Variants in ITFG1 observed in about 807,000 individuals in gnomAD.
The protein encoded by ITFG1 is integrin alpha FG-GAP repeat containing 1, also known as T-cell immunomodulatory protein.
Under a neutral mutation model 81.8 loss-of-function variants are expected in ITFG1, and 34 were observed. The ratio of observed to expected loss-of-function variants is 0.42; its 90% CI spans 0.32 to 0.55. The LOEUF (loss-of-function observed/expected upper bound fraction) is 0.55. ITFG1 is among the 20% of genes least tolerant of loss of function. The probability of loss-of-function intolerance (pLI) is 0.17; values close to 1 mark genes in which losing one functional copy is unlikely to be tolerated. For missense variants in ITFG1, 672 were observed against 755.4 expected, an observed-to-expected ratio of 0.89 and a Z score of 1.29; for synonymous variants, 285 against 270.6, an observed-to-expected ratio of 1.05 and a Z score of -0.52.
intron 10 of ITFG1, among the ~76,000 whole-genome samples, chr16:47,294,045 G>A (rs575015816): frequency 1.3e-5 from 2 of 152,140 alleles, no homozygotes; most frequent in East Asian, 3.9e-4. Context: ...TTTAAATATG[G>A]TGAGATATAG....
At chr16:47,319,930 T>C (rs1239888439) in intron 8 of ITFG1, among the ~76,000 whole-genome samples, 2 of 152,082 alleles carry the variant, frequency 1.3e-5, no homozygotes, top group African/African-American at 2.4e-5. Context: ...TATATATACA[T>C]ATCTTTTTTG....
At chr16:47,441,916 T>C (rs1217741144) in intron 5 of ITFG1, among the ~76,000 whole-genome samples, 1 of 152,240 alleles carries the variant, frequency 6.6e-6, no homozygotes, top group Non-Finnish European at 1.5e-5. Flanking sequence ...GACATGATTG[T>C]ATATCTAGAA....
intron 10 of ITFG1, among the ~76,000 whole-genome samples, chr16:47,273,790 GTTTATTTATTTA>G (rs138805545): frequency 2.0e-5 from 3 of 151,584 alleles, no homozygotes; most frequent in Non-Finnish European, 4.4e-5. Context: ...TAGTTTGTTT[GTTTATTTATTTA>G]TTTATTTATT....
At chr16:47,224,704 GA>G (rs199516181) in intron 13 of ITFG1, among the ~76,000 whole-genome samples, 9 of 150,796 alleles carry the variant, frequency 6.0e-5, no homozygotes, top group East Asian at 5.8e-4. Flanking sequence ...ATACGTCGGG[GA>G]AAAAAAAACC....
chr16:47,410,468 G>A (rs1176248411), intron 6 of ITFG1, among the ~76,000 whole-genome samples: 1 of 152,062 alleles, frequency 6.6e-6, no homozygotes, highest in Non-Finnish European at 1.5e-5. Flanking sequence ...GACACAGCCA[G>A]GAAGCGCCTC....
chr16:47,217,504 G>A (rs1965638757), intron 14 of ITFG1, among the ~76,000 whole-genome samples: 1 of 152,216 alleles, frequency 6.6e-6, no homozygotes, highest in Admixed American at 6.5e-5. Context: ...GATAAAACCA[G>A]CTGGTCCCAG....
At chr16:47,265,204 G>A (rs1359463351) in intron 10 of ITFG1, among the ~76,000 whole-genome samples, 2 of 148,720 alleles carry the variant, frequency 1.3e-5, no homozygotes, top group Non-Finnish European at 3.0e-5. Context: ...TTTTGTTTAC[G>A]GTACCCTTCA....
intron 12 of ITFG1, among the ~76,000 whole-genome samples, chr16:47,241,012 G>A (rs1965926900): frequency 1.3e-5 from 2 of 151,136 alleles, no homozygotes; most frequent in Non-Finnish European, 2.9e-5. Context: ...AAATGGTTAA[G>A]ATGGCAAATT....
At chr16:47,285,595 A>G (rs979754730) in intron 10 of ITFG1, among the ~76,000 whole-genome samples, 2 of 152,072 alleles carry the variant, frequency 1.3e-5, no homozygotes, top group African/African-American at 4.8e-5. Flanking sequence ...ATCTGACACT[A>G]TCTCCAGGAG....
chr16:47,367,671 G>A lies in ITFG1; in HGVS notation c.721-1802C>T, dbSNP rs1265586303. ...AAAAGCACAAAACCCAAATGCTTGA[G>A]GACCATGAGTAAGGAAATAAGATTT... On this transcript the variant is annotated intron_variant, in intron 7 of 17. Coordinates refer to ENST00000320640, the MANE Select transcript of ITFG1 (RefSeq NM_030790.5). Among the ~76,000 whole-genome samples the A allele has an allele frequency of 2.6e-5, 4 of 152,200 alleles. No individual in the cohort carries two copies. In the East Asian group the frequency reaches 5.8e-4, roughly 22 times the overall value.
At chr16:47,245,460 A>G (rs1965989590) in intron 12 of ITFG1, among the ~76,000 whole-genome samples, 1 of 151,864 alleles carries the variant, frequency 6.6e-6, no homozygotes, top group African/African-American at 2.4e-5. Flanking sequence ...GTGTGTGTGT[A>G]TTTACCCCTT....
At chr16:47,169,348 T>C (rs187114893) in intron 14 of ITFG1, among the ~76,000 whole-genome samples, 1 of 152,356 alleles carries the variant, frequency 6.6e-6, no homozygotes, top group Non-Finnish European at 1.5e-5. Context: ...TTCCATTTAT[T>C]AGATTTTCTT....
At chr16:47,283,688 C>T (rs1401923757) in intron 10 of ITFG1, among the ~76,000 whole-genome samples, 3 of 152,138 alleles carry the variant, frequency 2.0e-5, no homozygotes, top group Admixed American at 1.3e-4. Flanking sequence ...CGACTTTAGC[C>T]CAGTGAAACT....
chr16:47,247,992 T>C (rs564900877), intron 12 of ITFG1, among the ~76,000 whole-genome samples: 1 of 152,346 alleles, frequency 6.6e-6, no homozygotes, highest in South Asian at 2.1e-4. Context: ...CTTGCTACTA[T>C]GTAAGCTAAT....
intron 8 of ITFG1, among the ~76,000 whole-genome samples, chr16:47,324,351 AG>A (rs1459527671): frequency 6.6e-6 from 1 of 152,052 alleles, no homozygotes; most frequent in African/African-American, 2.4e-5. Context: ...AAACATGGAA[AG>A]GAACAACTGG....
At chr16:47,367,573 T>C (rs1333932460) in intron 7 of ITFG1, among the ~76,000 whole-genome samples, 16 of 152,222 alleles carry the variant, frequency 1.1e-4, no homozygotes, top group Non-Finnish European at 2.2e-4. Flanking sequence ...CAAATTTGTA[T>C]TTCATATTAT....
chr16:47,155,407 A>G lies in ITFG1; in HGVS notation c.*312T>C, dbSNP rs949182357. On this transcript the variant is annotated 3_prime_UTR_variant, in exon 18 of 18. Coordinates refer to ENST00000320640, the MANE Select transcript of ITFG1 (RefSeq NM_030790.5). ...CTCATTTAATTATTTTTATTTACACAACTTTTTCCATCATCATGATGCAAA... is the reference window on the plus strand; with the variant it reads ...CTCATTTAATTATTTTTATTTACACGACTTTTTCCATCATCATGATGCAAA... 22 of 185,644 alleles carry G rather than the reference A, an allele frequency of 1.2e-4. No individual in the cohort carries two copies. In the East Asian group the frequency reaches 2.6e-3, roughly 22 times the overall value. The allele number at this position is 185,644 out of a possible 1,614,324, so 11.5% of individuals were successfully genotyped here.
chr16:47,227,971 A>G (rs1262716817), intron 13 of ITFG1, among the ~76,000 whole-genome samples: 1 of 152,166 alleles, frequency 6.6e-6, no homozygotes, highest in Non-Finnish European at 1.5e-5. Flanking sequence ...TTAGTTTAAT[A>G]TTGACATTTT....
At chr16:47,221,366 G>A (rs1383940788) in intron 13 of ITFG1, among the ~76,000 whole-genome samples, 1 of 152,100 alleles carries the variant, frequency 6.6e-6, no homozygotes. Flanking sequence ...CTTTGGTTCT[G>A]TTTATATGCT....
Sources: allele counts gnomAD v4.1 joint callset (sites outside exome capture counted in the v4.1 genomes callset), GRCh38; gene constraint gnomAD v4.1.1; transcripts MANE v1.5; gene names NCBI Gene and HGNC (gene_info 2026-07-23, HGNC 2026-07-21).